ATXN7L3: variants seen among roughly 807,000 people sequenced by gnomAD.
The protein encoded by ATXN7L3 is ataxin-7-like protein 3.
A neutral mutation model predicts 50.0 loss-of-function variants in ATXN7L3; 6 were observed. The observed-to-expected ratio is 0.12, with a 90% CI of 0.07 to 0.24. The LOEUF (loss-of-function observed/expected upper bound fraction) is 0.24. ATXN7L3 is among the 10% of genes least tolerant of loss of function. The pLI, the probability that ATXN7L3 is intolerant of heterozygous loss-of-function variation, is 1.00. For synonymous variants in ATXN7L3, 198 were observed against 165.8 expected, an observed-to-expected ratio of 1.19 and a Z score of -1.49; for missense variants, 322 against 451.3, an observed-to-expected ratio of 0.71 and a Z score of 2.60.
chr17:44,196,603 C>A (rs887113092), intron 5 of ATXN7L3, among the ~76,000 whole-genome samples, 185 bp from the exon 6 acceptor site: 5 of 151,668 alleles, frequency 3.3e-5, no homozygotes, highest in Admixed American at 1.3e-4. Context: ...TATGGTGAAA[C>A]CCCATCTCTA....
intron 4 of ATXN7L3, 27 bp from the exon 5 acceptor site, chr17:44,197,053 G>A (rs775139827): frequency 3.2e-6 from 5 of 1,585,398 alleles, no homozygotes; most frequent in Admixed American, 1.7e-5. Flanking sequence ...AGAGAAAGGG[G>A]CCAAGGGGAA....
Position 44,197,335 on chromosome 17 carries a change from C to T in ATXN7L3, c.249G>A (p.Glu83=). ...GQVFNQWKSK[E]CVCPNCSRSI... ...TGCGACTGCAATTGGGGCAAACACA[C>T]TCCTTGCTCTTCCACTGGTTGAAAA... is the stretch of plus-strand genomic sequence containing the variant. The change falls in exon 4 of 13, where the codon GAG becomes GAA. Residue 83 remains glutamate, a synonymous_variant. Transcript: ENST00000587097. 1.9e-6 allele frequency: 3 copies of T among 1,613,288 alleles called. No homozygotes were observed. Among genetic ancestry groups the T allele is most frequent in the Non-Finnish European group, 2.5e-6 (3 of 1,179,486 alleles).
chr17:44,194,409 T>C lies in ATXN7L3; in HGVS notation c.898A>G (p.Thr300Ala). The C allele has an allele frequency of 6.2e-7, 1 of 1,614,092 alleles. No homozygotes were observed. Among genetic ancestry groups the C allele is most frequent in the Non-Finnish European group, 8.5e-7 (1 of 1,180,010 alleles). Residue 300 changes from threonine to alanine, a missense_variant and splice_region_variant, in exon 13 of 13, where the codon ACC (threonine) becomes GCC (alanine). Thr to Ala is a moderately conservative substitution (Grantham distance 58). Around this residue, in one of 5 missense-constraint regions of ATXN7L3, gnomAD observed 122 missense variants for 130.8 expected, o/e 0.93. Transcript: ENST00000587097. ...TSENQGWGLG[T>A]NSSESRKTKK... is the part of the protein sequence containing the mutation. ...GTTTTCCGTGACTCAGAGCTGTTGGTACCTGTAGAGAAAGAGACACAAGGG... is the reference window on the plus strand; with the variant it reads ...GTTTTCCGTGACTCAGAGCTGTTGGCACCTGTAGAGAAAGAGACACAAGGG...
chr17:44,194,346 C>T lies in ATXN7L3; in HGVS notation c.961G>A (p.Ala321Thr), dbSNP rs754026555. The T allele has an allele frequency of 3.7e-6, 6 of 1,614,202 alleles. No individual in the cohort carries two copies. The highest frequency in any genetic ancestry group is 3.3e-5 in the South Asian group (3 of 91,086). Residue 321 changes from alanine (A) to threonine (T), a missense_variant, in exon 13 of 13, where the codon GCC becomes ACC. Physicochemically the swap from Ala to Thr is moderately conservative, Grantham distance 58. Around this residue, in one of 5 missense-constraint regions of ATXN7L3, gnomAD observed 122 missense variants for 130.8 expected, o/e 0.93. Coordinates refer to ENST00000587097, the MANE Select transcript of ATXN7L3 (RefSeq NM_001382309.1). ...KKSHLSLVGT[A>T]SGLGSNKKKK... Reference sequence around the variant, plus strand: ...TTCTTGTTGGAACCTAGGCCGGAGGCAGTCCCTACCAGGCTCAGATGGGAT... The same window carrying T: ...TTCTTGTTGGAACCTAGGCCGGAGGTAGTCCCTACCAGGCTCAGATGGGAT...
intron 10 of ATXN7L3, 25 bp from the exon 11 acceptor site, chr17:44,194,864 G>C (rs1288769110): frequency 6.2e-7 from 1 of 1,613,008 alleles, no homozygotes; most frequent in Non-Finnish European, 8.5e-7. Flanking sequence ...AGGCAGGGAG[G>C]GTTCTGAGGA....
chr17:44,194,702 C>A, intron 11 of ATXN7L3, 28 bp from the exon 12 acceptor site: 1 of 1,613,700 alleles, frequency 6.2e-7, no homozygotes, highest in Non-Finnish European at 8.5e-7. Flanking sequence ...CAAAGAAGGG[C>A]TTTAGAGATA....
intron 7 of ATXN7L3, 94 bp downstream of exon 7, chr17:44,195,940 C>T: frequency 6.4e-7 from 1 of 1,561,496 alleles, no homozygotes; most frequent in South Asian, 1.2e-5. Context: ...GGCCCTCCCT[C>T]AATTCCCCTA....
chr17:44,197,738 C>A lies in ATXN7L3; in HGVS notation c.52-8G>T, dbSNP rs531467673. 3.7e-6 allele frequency: 6 copies of A among 1,614,254 alleles called. No individual in the cohort carries two copies. In the East Asian group the frequency reaches 1.3e-4, roughly 36 times the overall value. On this transcript the variant is annotated splice_polypyrimidine_tract_variant and splice_region_variant and intron_variant, in intron 2 of 12. Transcript: ENST00000587097. Reference sequence around the variant, plus strand: ...TATCTCCTGAGCGATGGCCTGGGCCCCAGGGGAGAACATCTACGGTCACAA... The same window carrying A: ...TATCTCCTGAGCGATGGCCTGGGCCACAGGGGAGAACATCTACGGTCACAA...
rs750270284 is a variant in ATXN7L3, at chr17:44,197,552, G to C, written c.184+46C>G. 5.6e-6 allele frequency: 9 copies of C among 1,613,230 alleles called. No homozygotes were observed. The East Asian group carries it at 2.0e-4, about 36-fold the overall frequency. Reference sequence around the variant, plus strand: ...TTTCCAGAGAAGGAAACTCCAGGCAGTCCCAGGGAAGGGCTGGACTGCTGC... The same window carrying C: ...TTTCCAGAGAAGGAAACTCCAGGCACTCCCAGGGAAGGGCTGGACTGCTGC... On this transcript the variant is annotated intron_variant, in intron 3 of 12. Coordinates refer to ENST00000587097, the MANE Select transcript of ATXN7L3 (RefSeq NM_001382309.1).
At chr17:44,198,212 C>G (rs1186689820) in intron 1 of ATXN7L3, 82 bp from the exon 2 acceptor site, 1 of 765,734 alleles carries the variant, frequency 1.3e-6, no homozygotes, top group Non-Finnish European at 2.2e-6. Flanking sequence ...CCTCGCTGCC[C>G]AAAGCTCAGT....
chr17:44,195,575 C>T, intron 8 of ATXN7L3, 88 bp from the exon 9 acceptor site: 1 of 1,416,958 alleles, frequency 7.1e-7, no homozygotes, highest in Non-Finnish European at 9.9e-7. Context: ...CCTCTGGTCC[C>T]TTTCTAAGTG....
At chr17:44,199,351 G>A (rs2056056562) in intron 1 of ATXN7L3, 145 bp downstream of exon 1, 1 of 151,064 alleles carries the variant, frequency 6.6e-6, no homozygotes, top group Admixed American at 6.6e-5. Flanking sequence ...GGGGAAGCCG[G>A]GCGTTTCCGC....
At chr17:44,196,777 C>CAAA (rs34885873) in intron 5 of ATXN7L3, 152 bp downstream of exon 5, 8,330 of 230,772 alleles carry the variant, frequency 0.036, 79 homozygotes, top group East Asian at 0.088. Context: ...GAATCCATCT[C>CAAA]AAAAAAAAAA....
At position 44,194,228 on chromosome 17, in the gene ATXN7L3, C is replaced by G; in HGVS notation, c.*35G>C. ...CCTGGGTGGGGGTCAGGAGAGAGGGCTCTGCTCAGCCAAAGGCTATCCCTT... is the reference window on the plus strand; with the variant it reads ...CCTGGGTGGGGGTCAGGAGAGAGGGGTCTGCTCAGCCAAAGGCTATCCCTT... On this transcript the variant is annotated 3_prime_UTR_variant, in exon 13 of 13. Coordinates refer to ENST00000587097, the MANE Select transcript of ATXN7L3 (RefSeq NM_001382309.1). The G allele has an allele frequency of 6.2e-7, 1 of 1,609,546 alleles. No homozygotes were observed. The highest frequency in any genetic ancestry group is 8.5e-7 in the Non-Finnish European group (1 of 1,177,690).
chr17:44,196,245 A>G, intron 6 of ATXN7L3, 151 bp downstream of exon 6: 1 of 169,656 alleles, frequency 5.9e-6, no homozygotes, highest in Non-Finnish European at 9.8e-6. Context: ...CCCCTTCCCC[A>G]CCCACACTCC....
At chr17:44,196,512 G>C in intron 5 of ATXN7L3, 94 bp from the exon 6 acceptor site, 1 of 1,517,520 alleles carries the variant, frequency 6.6e-7, no homozygotes. Context: ...GGGCACGGTG[G>C]CTCATGCCTG....
rs2055833402 is a variant in ATXN7L3, at chr17:44,195,045, C to G, written c.665+52G>C. ...TCCAGGGGTACTCCCAACCCATGCCCATGGTGAGTGTGCAGGAAGCGCCTG... is the reference window on the plus strand; with the variant it reads ...TCCAGGGGTACTCCCAACCCATGCCGATGGTGAGTGTGCAGGAAGCGCCTG... On this transcript the variant is annotated intron_variant, in intron 10 of 12. Transcript: ENST00000587097. The G allele has an allele frequency of 3.1e-6, 5 of 1,599,410 alleles. No homozygotes were observed. In the East Asian group the frequency reaches 1.1e-4, roughly 36 times the overall value.
chr17:44,197,774 C>T (rs375383056), intron 2 of ATXN7L3, 44 bp from the exon 3 acceptor site: 4 of 1,611,910 alleles, frequency 2.5e-6, no homozygotes, highest in Admixed American at 3.3e-5. Flanking sequence ...GAGTCACAGC[C>T]CCCTGGACTC....
chr17:44,195,881 G>A (rs1383535619), intron 7 of ATXN7L3, 53 bp from the exon 8 acceptor site: 12 of 1,588,588 alleles, frequency 7.6e-6, no homozygotes, highest in South Asian at 6.9e-5. Context: ...TACAGACAGA[G>A]AACCCTGAAA....
Sources: allele counts gnomAD v4.1 joint callset (sites outside exome capture counted in the v4.1 genomes callset), GRCh38; gene constraint gnomAD v4.1.1; regional missense constraint gnomAD v4.1.1; transcripts MANE v1.5; gene names NCBI Gene and HGNC (gene_info 2026-07-23, HGNC 2026-07-21).